ABCA8: variants seen among roughly 807,000 people sequenced by gnomAD.
ABCA8 encodes the protein ATP binding cassette subfamily A member 8, also known as ABC-type organic anion transporter ABCA8.
A neutral mutation model predicts 192.3 loss-of-function variants in ABCA8; 177 were observed. That is an observed-to-expected ratio of 0.92 (90% CI 0.81 to 1.04). The LOEUF (loss-of-function observed/expected upper bound fraction) is 1.04, where lower values mean the gene tolerates loss of function less well. Among genes scored for constraint, ABCA8 ranks in the 50% least tolerant of loss-of-function variants. The probability of loss-of-function intolerance (pLI) is 0.00; values close to 1 mark genes in which losing one functional copy is unlikely to be tolerated. For synonymous variants in ABCA8, 642 were observed against 690.2 expected (o/e 0.93, Z 1.09); for missense variants, 1,915 against 1,904.8 (o/e 1.01, Z -0.10).
intron 7 of ABCA8, chr17:68,931,886 C>T (rs1439360655): frequency 1.2e-5 from 2 of 164,772 alleles, no homozygotes; most frequent in Admixed American, 1.1e-4. Context: ...ATTTGTACCC[C>T]TTGGTTGTGG....
At chr17:68,939,000 C>T (rs1291023617) in intron 4 of ABCA8, among the ~76,000 whole-genome samples, 1 of 151,982 alleles carries the variant, frequency 6.6e-6, no homozygotes, top group African/African-American at 2.4e-5. Context: ...AAAATCATGC[C>T]CATATGAATG....
intron 28 of ABCA8, 73 bp from the exon 29 acceptor site, chr17:68,883,955 T>C: frequency 1.1e-6 from 1 of 927,622 alleles, no homozygotes; most frequent in Non-Finnish European, 1.6e-6. Flanking sequence ...ATACTAATAA[T>C]AACCGAACTT....
chr17:68,894,183 G>A lies in ABCA8; in HGVS notation c.3026C>T (p.Thr1009Ile), dbSNP rs867564036. ...ATTATATATATTTACCTCCAAAAAT[G>A]TACTTCTTTCAGTTCGGATATGTAC... ...PSVHIRTERS[T>I]FLENGQDNPI... The change falls in exon 23 of 40, where the codon ACA (threonine) becomes ATA (isoleucine). Residue 1009 changes from threonine to isoleucine, a missense_variant. Coordinates refer to ENST00000586539, the MANE Select transcript of ABCA8 (RefSeq NM_001288985.2). The A allele has an allele frequency of 2.5e-6, 4 of 1,612,950 alleles. No individual in the cohort carries two copies. The highest frequency in any genetic ancestry group is 1.7e-5 in the Admixed American group (1 of 59,952).
In ABCA8 at chr17:68,907,787, C is replaced by T; in HGVS notation, c.2231G>A (p.Gly744Glu). 1 of 1,608,076 alleles carries T rather than the reference C, an allele frequency of 6.2e-7. No homozygotes were observed. The highest frequency in any genetic ancestry group is 8.5e-7 in the Non-Finnish European group (1 of 1,177,384). Residue 744 changes from glycine (G) to glutamate (E), a missense_variant, in exon 18 of 40, where the codon GGA becomes GAA. By Grantham distance (98) the Gly-to-Glu change is moderately conservative (BLOSUM62 -2). Coordinates refer to ENST00000586539, the MANE Select transcript of ABCA8 (RefSeq NM_001288985.2). ...PDAKLSAKSE[G>E]KLIYTLPLER... ...TAAGGGTAATGTATAAATAAGTTTT[C>T]CTTCGCTTTTGGCTGATAATTTGGC...
chr17:68,922,142 A>G (rs978687202), intron 12 of ABCA8, 100 bp downstream of exon 12: 4 of 835,298 alleles, frequency 4.8e-6, no homozygotes, highest in Admixed American at 4.8e-5. Flanking sequence ...GCAAAACTGA[A>G]TTAAAATCAG....
At chr17:68,926,320 A>G (rs1161301426) in intron 10 of ABCA8, among the ~76,000 whole-genome samples, 4 of 152,168 alleles carry the variant, frequency 2.6e-5, no homozygotes, top group Non-Finnish European at 5.9e-5. Flanking sequence ...AACAAAAATG[A>G]AAAATAATAC....
intron 6 of ABCA8, 65 bp from the exon 7 acceptor site, chr17:68,932,579 C>T: frequency 8.4e-7 from 1 of 1,190,836 alleles, no homozygotes; most frequent in Non-Finnish European, 1.2e-6. Flanking sequence ...TTCTTTTAAC[C>T]ATCTATTTTC....
chr17:68,884,606 A>G, intron 27 of ABCA8: 1 of 1,247,310 alleles, frequency 8.0e-7, no homozygotes, highest in Non-Finnish European at 1.0e-6. Context: ...ATCAATTACT[A>G]ATCACCTGGC....
At chr17:68,889,261 A>G (rs778726633) in intron 24 of ABCA8, among the ~76,000 whole-genome samples, 61 of 152,356 alleles carry the variant, frequency 4.0e-4, no homozygotes, top group Non-Finnish European at 6.5e-4. Context: ...CCATAAAGTC[A>G]CAAAAATGGG....
chr17:68,894,443 A>T, intron 22 of ABCA8, 133 bp from the exon 23 acceptor site: 1 of 754,208 alleles, frequency 1.3e-6, no homozygotes, highest in Non-Finnish European at 2.1e-6. Context: ...AAAAAGCCAA[A>T]CACTGTGTAA....
At position 68,951,816 on chromosome 17, in the gene ABCA8, TA is replaced by T. The variant is rs1567893827; in HGVS notation, c.-166-2345del. Among the ~76,000 whole-genome samples the T allele has an allele frequency of 3.9e-5, 6 of 152,200 alleles. No individual in the cohort carries two copies. The South Asian group carries it at 1.2e-3, about 31-fold the overall frequency. The stretch of plus-strand genomic sequence containing the variant: ...CATTTTTAAATATTTGGTTACTATA[TA>T]AAAAACTATCAATGCATTATGTTTA... On this transcript the variant is annotated intron_variant, in intron 1 of 39. Coordinates refer to ENST00000586539, the MANE Select transcript of ABCA8 (RefSeq NM_001288985.2).
chr17:68,877,525 A>G lies in ABCA8; in HGVS notation c.4193T>C (p.Ile1398Thr). The change falls in exon 33 of 40, where the codon ATC (isoleucine) becomes ACC (threonine). Residue 1398 changes from isoleucine to threonine, a missense_variant. Physicochemically the swap from Ile to Thr is moderately conservative, Grantham distance 89 (BLOSUM62 -1). Transcript: ENST00000586539. Reference sequence around the variant, plus strand: ...ATGTGGCTCCTCTGTGTACCGTGTGATGGCAACCTCAGCATCCCCTTTCCT... The same window carrying G: ...ATGTGGCTCCTCTGTGTACCGTGTGGTGGCAACCTCAGCATCCCCTTTCCT... ...GLRKGDAEVA[I>T]TRLVDALKLQ... 6.2e-7 allele frequency: 1 copy of G among 1,613,084 alleles called. No homozygotes were observed. The highest frequency in any genetic ancestry group is 8.5e-7 in the Non-Finnish European group (1 of 1,179,440).
At chr17:68,884,573 T>G in intron 27 of ABCA8, 177 bp from the exon 28 acceptor site, 1 of 1,306,028 alleles carries the variant, frequency 7.7e-7, no homozygotes, top group Non-Finnish European at 9.7e-7. Flanking sequence ...GTCTATGAGC[T>G]TTTGTTTGAA....
At chr17:68,953,446 G>T (rs1353952358) in intron 1 of ABCA8, among the ~76,000 whole-genome samples, 1 of 152,154 alleles carries the variant, frequency 6.6e-6, no homozygotes, top group South Asian at 2.1e-4. Context: ...CTACTTTCTA[G>T]AGCCAAATCT....
intron 21 of ABCA8, among the ~76,000 whole-genome samples, chr17:68,896,554 GC>G (rs1447499981): frequency 6.6e-6 from 1 of 152,136 alleles, no homozygotes; most frequent in Non-Finnish European, 1.5e-5. Context: ...ATGTGAATCA[GC>G]CCCTTGTCTT....
intron 31 of ABCA8, among the ~76,000 whole-genome samples, chr17:68,881,554 A>C (rs2066336508): frequency 6.6e-6 from 1 of 152,238 alleles, no homozygotes; most frequent in African/African-American, 2.4e-5. Context: ...GTGTGCTAGC[A>C]CATCTTGGTT....
At position 68,876,436 on chromosome 17, in the gene ABCA8, C is replaced by T. The variant is rs192146531; in HGVS notation, c.4370+24G>A. ...CTCCATGCAAGTCATCCGTGCTGTC[C>T]CTGACCGTGGTAATGTTCCTCACCA... On this transcript the variant is annotated intron_variant, in intron 35 of 39. Transcript: ENST00000586539. 1.1e-4 allele frequency: 178 copies of T among 1,613,838 alleles called. No individual in the cohort carries two copies. In the African/African-American group the frequency reaches 1.8e-3, roughly 16 times the overall value.
intron 13 of ABCA8, 106 bp from the exon 14 acceptor site, chr17:68,919,582 T>C: frequency 2.0e-6 from 2 of 1,004,418 alleles, no homozygotes; most frequent in Non-Finnish European, 2.9e-6. Context: ...GTTTATACAA[T>C]TCAGGCATTA....
Position 68,900,533 on chromosome 17 carries a change from A to T in ABCA8, c.2764+2180T>A, listed in dbSNP as rs1207507420. 3.6e-5 allele frequency among the ~76,000 whole-genome samples: 4 copies of T among 111,456 alleles called. No individual in the cohort carries two copies. The South Asian group carries it at 1.1e-3, about 31-fold the overall frequency. The allele number at this position is 111,456 out of a possible 152,430, so 73.1% of individuals were successfully genotyped here. ...AACAAAAATTGTCAATCCTTCACAAAGTCTCAAAAAAAAAAAAAAAAAAAA... is the reference window on the plus strand; with the variant it reads ...AACAAAAATTGTCAATCCTTCACAATGTCTCAAAAAAAAAAAAAAAAAAAA... On this transcript the variant is annotated intron_variant, in intron 21 of 39. Coordinates refer to ENST00000586539, the MANE Select transcript of ABCA8 (RefSeq NM_001288985.2).
Sources: allele counts gnomAD v4.1 joint callset (sites outside exome capture counted in the v4.1 genomes callset), GRCh38; gene constraint gnomAD v4.1.1; transcripts MANE v1.5; gene names NCBI Gene and HGNC (gene_info 2026-07-23, HGNC 2026-07-21).